The following PARP8 variants were observed in gnomAD, a reference collection of about 807,000 sequenced individuals.
PARP8 encodes poly(ADP-ribose) polymerase family member 8, also known as protein mono-ADP-ribosyltransferase PARP8.
Under a neutral mutation model 124.1 loss-of-function variants are expected in PARP8, and 51 were observed. That is an observed-to-expected ratio of 0.41 (90% CI 0.33 to 0.52). The LOEUF (loss-of-function observed/expected upper bound fraction) is 0.52, where lower values mean the gene tolerates loss of function less well. Ranked by LOEUF, PARP8 falls within the 20% of genes least tolerant of loss-of-function variation. PARP8 has a pLI of 0.21. For missense variants in PARP8, 860 were observed against 1,018.9 expected (o/e 0.84, Z 2.12); for synonymous variants, 391 against 361.5 (o/e 1.08, Z -0.93).
intron 2 of PARP8, among the ~76,000 whole-genome samples, chr5:50,716,859 CTG>C (rs56763475): frequency 0.018 from 2,746 of 152,102 alleles, 84 homozygotes; most frequent in African/African-American, 0.063. Context: ...TGAATGTAAG[CTG>C]TGTTTGAATA....
Position 50,750,642 on chromosome 5 carries a change from T to A in PARP8, c.184+454T>A, listed in dbSNP as rs71615983. Reference sequence around the variant, plus strand: ...GTTTGGTATGGAGATAATGTAAAACTTACTTGTTTAGCATTTAAGTATTTT... The same window carrying A: ...GTTTGGTATGGAGATAATGTAAAACATACTTGTTTAGCATTTAAGTATTTT... On this transcript the variant is annotated intron_variant, in intron 3 of 25. Transcript: ENST00000281631. Among the ~76,000 whole-genome samples the A allele has an allele frequency of 1.3e-5, 2 of 152,064 alleles. 1 individual carries two copies. The highest frequency in any genetic ancestry group is 4.8e-5 in the African/African-American group (2 of 41,398).
At chr5:50,666,605 G>C (rs1749304138), upstream of PARP8, 1 of 149,212 alleles carries the variant, frequency 6.7e-6, no homozygotes, top group African/African-American at 2.4e-5. Context: ...GGGCACGGCT[G>C]CCGCCGCCCG....
chr5:50,764,861 C>A (rs1561347630), intron 7 of PARP8, among the ~76,000 whole-genome samples: 1 of 148,870 alleles, frequency 6.7e-6, no homozygotes, highest in Admixed American at 6.7e-5. Flanking sequence ...AAGCTTAAAA[C>A]TTTAATTTTA....
At chr5:50,793,659 G>A (rs1381279943) in intron 10 of PARP8, among the ~76,000 whole-genome samples, 1 of 152,146 alleles carries the variant, frequency 6.6e-6, no homozygotes, top group East Asian at 1.9e-4. Context: ...ATATTTCTAC[G>A]TAGAGCCAGT....
chr5:50,743,576 T>C (rs1758260251), intron 2 of PARP8, among the ~76,000 whole-genome samples: 1 of 152,010 alleles, frequency 6.6e-6, no homozygotes, highest in South Asian at 2.1e-4. Flanking sequence ...AAAGCTCCAG[T>C]GTGTCTGGGG....
At chr5:50,781,205 T>G (rs1307149500) in intron 9 of PARP8, among the ~76,000 whole-genome samples, 1 of 152,208 alleles carries the variant, frequency 6.6e-6, no homozygotes, top group Admixed American at 6.5e-5. Flanking sequence ...CATCTTAAAT[T>G]TAATGTTCCC....
chr5:50,759,887 T>C (rs1259275016), intron 4 of PARP8, among the ~76,000 whole-genome samples, 155 bp downstream of exon 4: 2 of 152,208 alleles, frequency 1.3e-5, no homozygotes, highest in Non-Finnish European at 2.9e-5. Context: ...AAGTACATTT[T>C]TTAACAATTT....
chr5:50,789,145 G>A (rs1251375613), intron 10 of PARP8, among the ~76,000 whole-genome samples: 1 of 152,028 alleles, frequency 6.6e-6, no homozygotes, highest in Non-Finnish European at 1.5e-5. Context: ...CATTCCTACC[G>A]CTTTGAAACA....
chr5:50,837,334 T>C (rs1254743012), intron 25 of PARP8, among the ~76,000 whole-genome samples: 2 of 152,168 alleles, frequency 1.3e-5, no homozygotes, highest in South Asian at 2.1e-4. Context: ...GTTTCATTAA[T>C]ATGCATTCTA....
At chr5:50,819,914 T>C (rs1745571481) in intron 15 of PARP8, among the ~76,000 whole-genome samples, 1 of 152,182 alleles carries the variant, frequency 6.6e-6, no homozygotes, top group South Asian at 2.1e-4. Context: ...ATGTCCTTAT[T>C]ATGTTTATTG....
intron 2 of PARP8, among the ~76,000 whole-genome samples, chr5:50,732,477 T>G (rs1757064517): frequency 6.6e-6 from 1 of 152,242 alleles, no homozygotes; most frequent in Non-Finnish European, 1.5e-5. Flanking sequence ...GATATTTGCA[T>G]AAAAAACTAA....
intron 15 of PARP8, among the ~76,000 whole-genome samples, chr5:50,816,619 A>G (rs1383232965): frequency 6.6e-6 from 1 of 152,218 alleles, no homozygotes; most frequent in East Asian, 1.9e-4. Flanking sequence ...TGAAACAAAT[A>G]ATACAAAGAG....
In PARP8 at chr5:50,732,324, T is replaced by C. The variant is rs184033338; in HGVS notation, c.147-17827T>C. ...AACCTTATAACAAGCACAAAACATA[T>C]GATAGTATTATCTGTAGAAATTACT... is the stretch of plus-strand genomic sequence containing the variant. On this transcript the variant is annotated intron_variant, in intron 2 of 25. Transcript: ENST00000281631. Among the ~76,000 whole-genome samples, 707 of 152,328 alleles carry C rather than the reference T, an allele frequency of 4.6e-3. 4 individuals are homozygous for C. Among genetic ancestry groups the C allele is most frequent in the South Asian group, 0.022 (104 of 4,828 alleles).
chr5:50,737,364 A>T (rs1757571612), intron 2 of PARP8, among the ~76,000 whole-genome samples: 1 of 152,168 alleles, frequency 6.6e-6, no homozygotes, highest in Admixed American at 6.6e-5. Flanking sequence ...AAAAGAAGAG[A>T]TATTCTTATT....
At position 50,778,057 on chromosome 5, in the gene PARP8, T is replaced by A; in HGVS notation, c.519-12T>A. 1 of 1,596,594 alleles carries A rather than the reference T, an allele frequency of 6.3e-7. No homozygotes were observed. Among genetic ancestry groups the A allele is most frequent in the Non-Finnish European group, 8.5e-7 (1 of 1,172,002 alleles). ...TTAAAATGAAAAAAACAGTGTTAAT[T>A]TTTGCTTTCAGGGAATATGGAGCCA... On this transcript the variant is annotated splice_polypyrimidine_tract_variant and intron_variant, in intron 7 of 25. Transcript: ENST00000281631.
chr5:50,813,945 A>T (rs1371961052), intron 14 of PARP8, among the ~76,000 whole-genome samples: 1 of 152,152 alleles, frequency 6.6e-6, no homozygotes, highest in African/African-American at 2.4e-5. Context: ...AGCCTTTGAG[A>T]TTGATGGATT....
intron 2 of PARP8, among the ~76,000 whole-genome samples, chr5:50,697,220 C>G (rs758922148): frequency 3.3e-5 from 5 of 152,114 alleles, no homozygotes; most frequent in Non-Finnish European, 5.9e-5. Flanking sequence ...TGTGCCACAG[C>G]ACTCCAATCT....
At chr5:50,781,428 G>A (rs1290849504) in intron 9 of PARP8, among the ~76,000 whole-genome samples, 1 of 151,884 alleles carries the variant, frequency 6.6e-6, no homozygotes, top group Non-Finnish European at 1.5e-5. Flanking sequence ...TTCTTCTTTT[G>A]GAAATTAGTG....
At chr5:50,755,611 G>T (rs1346406712) in intron 3 of PARP8, among the ~76,000 whole-genome samples, 1 of 152,302 alleles carries the variant, frequency 6.6e-6, no homozygotes, top group African/African-American at 2.4e-5. Context: ...AAGTCAGGTA[G>T]TTTGATGCCT....
Sources: allele counts gnomAD v4.1 joint callset (sites outside exome capture counted in the v4.1 genomes callset), GRCh38; gene constraint gnomAD v4.1.1; transcripts MANE v1.5; gene names NCBI Gene and HGNC (gene_info 2026-07-23, HGNC 2026-07-21).